The following SCARA5 variants were observed in gnomAD, a reference collection of about 807,000 sequenced individuals.
The protein encoded by SCARA5 is scavenger receptor class A, member 5 (putative).
SCARA5 carries 45 observed loss-of-function variants against 46.3 expected under a neutral mutation model. The ratio of observed to expected loss-of-function variants is 0.97; its 90% CI spans 0.76 to 1.24. The LOEUF (loss-of-function observed/expected upper bound fraction) is 1.24. SCARA5 is among the 50% of genes most tolerant of loss of function. SCARA5 has a pLI of 0.00. For synonymous variants in SCARA5, 333 were observed against 306.5 expected (o/e 1.09, Z -0.90); for missense variants, 680 against 689.0 (o/e 0.99, Z 0.15).
At chr8:27,970,355 T>TA (rs1808429912) in intron 2 of SCARA5, among the ~76,000 whole-genome samples, 1 of 152,104 alleles carries the variant, frequency 6.6e-6, no homozygotes. Context: ...GAGGACTAGC[T>TA]AAAAAAGGGA....
intron 3 of SCARA5, among the ~76,000 whole-genome samples, chr8:27,933,247 C>A (rs1807805262): frequency 6.6e-6 from 1 of 151,964 alleles, no homozygotes. Flanking sequence ...TTCAGCTGGG[C>A]ACAGTGGCTC....
chr8:27,909,678 A>C lies in SCARA5; in HGVS notation c.982T>G (p.Leu328Val). The C allele has an allele frequency of 6.4e-7, 1 of 1,550,808 alleles. No individual in the cohort carries two copies. Among genetic ancestry groups the C allele is most frequent in the East Asian group, 2.4e-5 (1 of 40,880 alleles). The change falls in exon 5 of 9, where the codon TTG (leucine) becomes GTG (valine). Residue 328 changes from leucine (L) to valine (V), a missense_variant. Coordinates refer to ENST00000354914, the MANE Select transcript of SCARA5 (RefSeq NM_173833.6). ...CGCTCATTACCTCGAAGTCCAGGCA[A>C]TCCAGGGATGCCAGGCCTGCCTTCC... ...GKEGRPGIPGLPGLRGLPGER... is the reference protein window; with the variant it reads ...GKEGRPGIPGVPGLRGLPGER...
rs188656026 is a variant in SCARA5, at chr8:27,875,361, C to T, written c.1352-3291G>A. On this transcript the variant is annotated intron_variant, in intron 8 of 8. Coordinates refer to ENST00000354914, the MANE Select transcript of SCARA5 (RefSeq NM_173833.6). Reference sequence around the variant, plus strand: ...AAGCCCTCAAGATGTTTCCATGTATCGCAGGGATCAGGAGAGTATAAGAAG... The same window carrying T: ...AAGCCCTCAAGATGTTTCCATGTATTGCAGGGATCAGGAGAGTATAAGAAG... Among the ~76,000 whole-genome samples the T allele has an allele frequency of 2.6e-4, 40 of 152,088 alleles. 1 individual carries two copies. In the East Asian group the frequency reaches 4.2e-3, roughly 16 times the overall value.
chr8:27,877,836 G>C (rs1806749306), intron 8 of SCARA5, among the ~76,000 whole-genome samples: 1 of 152,172 alleles, frequency 6.6e-6, no homozygotes, highest in Non-Finnish European at 1.5e-5. Flanking sequence ...ATTTCACCAA[G>C]GGTCACTTTC....
intron 2 of SCARA5, among the ~76,000 whole-genome samples, chr8:27,975,670 G>A (rs1349695888): frequency 6.6e-6 from 1 of 152,124 alleles, no homozygotes; most frequent in Admixed American, 6.5e-5. Context: ...TCTGTGATGA[G>A]TGAGCGAATA....
At position 27,987,539 on chromosome 8, in the gene SCARA5, C is replaced by T. The variant is rs756461922; in HGVS notation, c.77G>A (p.Gly26Asp). 25 of 1,613,900 alleles carry T rather than the reference C, an allele frequency of 1.5e-5. No individual in the cohort carries two copies. Among genetic ancestry groups the T allele is most frequent in the Admixed American group, 1.7e-5 (1 of 60,004 alleles). Residue 26 changes from glycine (G) to aspartate (D), a missense_variant, in exon 2 of 9, where the codon GGC (glycine) becomes GAC (aspartate). Physicochemically the swap from Gly to Asp is moderately conservative, Grantham distance 94. Transcript: ENST00000354914. ...TSSICEDSFD[G>D]RSLSKLNLCE... ...CAGGTTCAGCTTGGACAGGCTCCTG[C>T]CATCAAAGGAATCCTCACAGATGGA...
chr8:27,982,283 C>T (rs1808633509), intron 2 of SCARA5, among the ~76,000 whole-genome samples: 1 of 152,050 alleles, frequency 6.6e-6, no homozygotes, highest in Non-Finnish European at 1.5e-5. Flanking sequence ...CAGTCCCCAC[C>T]CACTCCCAGA....
intron 3 of SCARA5, among the ~76,000 whole-genome samples, chr8:27,937,231 C>A (rs185302865): frequency 6.6e-6 from 1 of 152,152 alleles, no homozygotes; most frequent in Non-Finnish European, 1.5e-5. Context: ...AGGTGTAACC[C>A]GGCAGGGCTC....
At chr8:27,981,375 T>C (rs1455978588) in intron 2 of SCARA5, among the ~76,000 whole-genome samples, 1 of 152,092 alleles carries the variant, frequency 6.6e-6, no homozygotes, top group African/African-American at 2.4e-5. Context: ...TGCCAGAACC[T>C]GGAAGGGGAA....
chr8:27,886,587 C>T (rs1444180859), intron 7 of SCARA5, among the ~76,000 whole-genome samples: 1 of 152,192 alleles, frequency 6.6e-6, no homozygotes, highest in East Asian at 1.9e-4. Context: ...GGCAGGCAGG[C>T]AGGAGCCTTT....
intron 2 of SCARA5, among the ~76,000 whole-genome samples, chr8:27,966,823 A>C (rs1442509447): frequency 1.3e-5 from 2 of 152,234 alleles, no homozygotes; most frequent in Admixed American, 1.3e-4. Flanking sequence ...GAGCTAGTCC[A>C]AGCAGCAGAA....
intron 3 of SCARA5, among the ~76,000 whole-genome samples, chr8:27,930,071 G>T (rs375031979): frequency 5.9e-5 from 9 of 152,098 alleles, no homozygotes; most frequent in Admixed American, 2.6e-4. Flanking sequence ...TAGTATCACC[G>T]CTTCACAGGT....
intron 2 of SCARA5, among the ~76,000 whole-genome samples, chr8:27,968,615 T>C (rs1433012237): frequency 6.6e-6 from 1 of 152,206 alleles, no homozygotes; most frequent in Admixed American, 6.5e-5. Context: ...GTAGGAGGTA[T>C]AGCATTGAAT....
chr8:27,906,366 G>C (rs946501018), intron 6 of SCARA5, among the ~76,000 whole-genome samples: 1 of 152,256 alleles, frequency 6.6e-6, no homozygotes, highest in East Asian at 1.9e-4. Flanking sequence ...TAAACAAGGG[G>C]ACTGCCTACA....
chr8:27,939,983 C>T (rs1807917165), intron 3 of SCARA5, among the ~76,000 whole-genome samples: 1 of 152,210 alleles, frequency 6.6e-6, no homozygotes, highest in South Asian at 2.1e-4. Flanking sequence ...TCCAGTCTGC[C>T]TCCTGGCCAC....
At position 27,987,612 on chromosome 8, in the gene SCARA5, C is replaced by T. The variant is rs376367267; in HGVS notation, c.4G>A (p.Glu2Lys). 3.1e-6 allele frequency: 5 copies of T among 1,607,736 alleles called. No individual in the cohort carries two copies. Among genetic ancestry groups the T allele is most frequent in the Non-Finnish European group, 4.3e-6 (5 of 1,174,286 alleles). ...GTGTGTAGGTACATAGCTTTGTTCT[C>T]CATCACACCCTGCAACAGCTGCAGA... M[E>K]NKAMYLHTVS... is the part of the protein sequence containing the mutation. The change falls in exon 2 of 9, where the codon GAG becomes AAG. Residue 2 changes from glutamate to lysine, a missense_variant. This residue lies in a region of SCARA5 where 23 missense variants were observed against 35.0 expected (regional missense o/e 0.66). Coordinates refer to ENST00000354914, the MANE Select transcript of SCARA5 (RefSeq NM_173833.6).
intron 2 of SCARA5, among the ~76,000 whole-genome samples, chr8:27,970,662 C>T (rs111277263): frequency 3.3e-5 from 5 of 152,152 alleles, no homozygotes; most frequent in African/African-American, 9.7e-5. Context: ...CGTGCACTGC[C>T]ACTTCAATAA....
At chr8:27,982,693 G>A (rs1420555780) in intron 2 of SCARA5, among the ~76,000 whole-genome samples, 1 of 152,108 alleles carries the variant, frequency 6.6e-6, no homozygotes, top group African/African-American at 2.4e-5. Context: ...ATGCAGAGAA[G>A]GGAGGCTCTA....
intron 2 of SCARA5, among the ~76,000 whole-genome samples, chr8:27,967,373 G>A (rs1057240416): frequency 1.3e-5 from 2 of 152,154 alleles, no homozygotes; most frequent in African/African-American, 4.8e-5. Context: ...TGATCTTTTA[G>A]CTGAACTGGT....
Sources: gnomAD v4.1 joint callset for allele counts (sites outside exome capture counted in the v4.1 genomes callset) on GRCh38, gnomAD v4.1.1 for gene constraint, gnomAD v4.1.1 regional missense constraint, MANE v1.5 for transcripts, NCBI Gene and HGNC (gene_info 2026-07-23, HGNC 2026-07-21) for gene names.